ST6GAL1: variants seen among roughly 807,000 people sequenced by gnomAD.
ST6GAL1 encodes the protein ST6 beta-galactoside alpha-2,6-sialyltransferase 1.
A neutral mutation model predicts 38.0 loss-of-function variants in ST6GAL1; 20 were observed. That is an observed-to-expected ratio of 0.53 (90% CI 0.37 to 0.77). The LOEUF (loss-of-function observed/expected upper bound fraction) is 0.77, where lower values mean the gene tolerates loss of function less well. Among genes scored for constraint, ST6GAL1 ranks in the 30% least tolerant of loss-of-function variants. The probability of loss-of-function intolerance (pLI) is 0.00; values close to 1 mark genes in which losing one functional copy is unlikely to be tolerated. For synonymous variants in ST6GAL1, 196 were observed against 188.2 expected (o/e 1.04, Z -0.34); for missense variants, 432 against 496.4 (o/e 0.87, Z 1.23).
intron 5 of ST6GAL1, among the ~76,000 whole-genome samples, chr3:187,058,734 T>C (rs1286410461): frequency 6.6e-6 from 1 of 151,962 alleles, no homozygotes; most frequent in Non-Finnish European, 1.5e-5. Flanking sequence ...CTCCTTTTCC[T>C]GGGTTCAAGC....
chr3:187,072,578 G>C, intron 5 of ST6GAL1: 2 of 398,268 alleles, frequency 5.0e-6, no homozygotes, highest in Non-Finnish European at 9.6e-6. Flanking sequence ...TATTTTCACT[G>C]TACCCTTGCC....
chr3:186,966,306 A>C (rs998799055), intron 2 of ST6GAL1, among the ~76,000 whole-genome samples: 1 of 152,198 alleles, frequency 6.6e-6, no homozygotes, highest in African/African-American at 2.4e-5. Flanking sequence ...AGTGTTTTGT[A>C]ATCTGTCTAC....
chr3:187,005,464 A>G (rs1716756891), intron 2 of ST6GAL1, among the ~76,000 whole-genome samples: 1 of 151,482 alleles, frequency 6.6e-6, no homozygotes. Context: ...TTTAGTAGAG[A>G]TGGGGTTTCA....
intron 2 of ST6GAL1, among the ~76,000 whole-genome samples, chr3:186,999,236 G>A (rs1027050101): frequency 1.1e-4 from 16 of 150,552 alleles, no homozygotes; most frequent in East Asian, 7.7e-4. Context: ...AACACCACTC[G>A]CCTCGTAGAA....
At chr3:187,047,552 T>C (rs1346348086) in intron 4 of ST6GAL1, among the ~76,000 whole-genome samples, 1 of 152,188 alleles carries the variant, frequency 6.6e-6, no homozygotes, top group Non-Finnish European at 1.5e-5. Context: ...TTTTTTCTTC[T>C]CCTAATTTGC....
In ST6GAL1 at chr3:187,072,869, C is replaced by T. The variant is rs1343275336; in HGVS notation, c.726C>T (p.Arg242=). ...MNSQLVTTEK[R]FLKDSLYNEG... Reference sequence around the variant, plus strand: ...TGCAGTTGGTTACCACAGAGAAGCGCTTCCTCAAAGACAGTTTGTACAATG... The same window carrying T: ...TGCAGTTGGTTACCACAGAGAAGCGTTTCCTCAAAGACAGTTTGTACAATG... The change falls in exon 6 of 8, where the codon CGC becomes CGT. Residue 242 remains arginine, a synonymous_variant. Transcript: ENST00000169298. The T allele has an allele frequency of 1.9e-6, 3 of 1,613,992 alleles. No homozygotes were observed. The South Asian group carries it at 3.3e-5, about 18-fold the overall frequency.
At chr3:187,035,467 C>G (rs979270890) in intron 2 of ST6GAL1, among the ~76,000 whole-genome samples, 1 of 152,088 alleles carries the variant, frequency 6.6e-6, no homozygotes, top group Non-Finnish European at 1.5e-5. Context: ...GCAAAAAGAA[C>G]AAACTCAGAG....
At position 186,933,956 on chromosome 3, in the gene ST6GAL1, C is replaced by T. The variant is rs534124326; in HGVS notation, c.-325+3122C>T. Among the ~76,000 whole-genome samples the T allele has an allele frequency of 8.5e-5, 13 of 152,306 alleles. No individual in the cohort carries two copies. In the South Asian group the frequency reaches 2.3e-3, roughly 27 times the overall value. On this transcript the variant is annotated intron_variant, in intron 1 of 7. Coordinates refer to ENST00000169298, the MANE Select transcript of ST6GAL1 (RefSeq NM_173216.2). ...TCAGCTTTCTTTAGTGTTTGCTGAA[C>T]GGTTCACTTTACTCTTGTGCTGGGT...
chr3:186,962,722 G>T (rs921994950), intron 1 of ST6GAL1, among the ~76,000 whole-genome samples: 3 of 152,170 alleles, frequency 2.0e-5, no homozygotes, highest in Non-Finnish European at 4.4e-5. Flanking sequence ...GGAAGATTTT[G>T]TTTCAAACAC....
intron 5 of ST6GAL1, among the ~76,000 whole-genome samples, chr3:187,062,722 T>C (rs1027663474): frequency 6.6e-6 from 1 of 152,202 alleles, no homozygotes; most frequent in Non-Finnish European, 1.5e-5. Context: ...TTGGAGATGG[T>C]TTGTGGTGAT....
intron 1 of ST6GAL1, among the ~76,000 whole-genome samples, chr3:186,934,578 CAAAA>C (rs1713874294): frequency 6.6e-6 from 1 of 151,268 alleles, no homozygotes; most frequent in Non-Finnish European, 1.5e-5. Context: ...GAAAATAAAA[CAAAA>C]CAACAACAAC....
chr3:187,043,137 G>A lies in ST6GAL1; in HGVS notation c.434G>A (p.Arg145Gln), dbSNP rs149308342. Residue 145 changes from arginine to glutamine, a missense_variant, in exon 4 of 8, where the codon CGG becomes CAG. By Grantham distance (43) the Arg-to-Gln change is conservative. Transcript: ENST00000169298. ...GCAGAGGCCCTGCGCTGCCACCTCCGGGACCATGTGAATGTATCCATGGTA... is the reference window on the plus strand; with the variant it reads ...GCAGAGGCCCTGCGCTGCCACCTCCAGGACCATGTGAATGTATCCATGGTA... ...FSAEALRCHL[R>Q]DHVNVSMVEV... 251 of 1,614,066 alleles carry A rather than the reference G, an allele frequency of 1.6e-4. No individual in the cohort carries two copies. The highest frequency in any genetic ancestry group is 2.1e-4 in the Non-Finnish European group (245 of 1,180,030).
At chr3:187,026,737 T>C (rs1175488156) in intron 2 of ST6GAL1, among the ~76,000 whole-genome samples, 1 of 152,068 alleles carries the variant, frequency 6.6e-6, no homozygotes, top group Non-Finnish European at 1.5e-5. Flanking sequence ...CTCACATCAG[T>C]AGTTACGTAA....
At chr3:187,073,470 G>A (rs1174314046) in intron 6 of ST6GAL1, 1 of 162,354 alleles carries the variant, frequency 6.2e-6, no homozygotes, top group Non-Finnish European at 1.3e-5. Context: ...TAAGCAGAAG[G>A]CGCAGATCTG....
At chr3:186,990,739 G>T (rs1193652163) in intron 2 of ST6GAL1, among the ~76,000 whole-genome samples, 6 of 151,382 alleles carry the variant, frequency 4.0e-5, no homozygotes, top group East Asian at 1.9e-4. Flanking sequence ...CTTGAACCCG[G>T]GAGGCAGAGG....
intron 2 of ST6GAL1, among the ~76,000 whole-genome samples, chr3:187,032,275 T>C (rs1490710602): frequency 6.6e-6 from 1 of 152,156 alleles, no homozygotes; most frequent in Non-Finnish European, 1.5e-5. Flanking sequence ...TGATGTACTT[T>C]TCTGTTGTCT....
chr3:186,934,823 G>A (rs1337938329), intron 1 of ST6GAL1, among the ~76,000 whole-genome samples: 1 of 151,676 alleles, frequency 6.6e-6, no homozygotes, highest in Non-Finnish European at 1.5e-5. Flanking sequence ...CTGGAGTGCA[G>A]TGGTGCAATC....
chr3:186,987,983 T>C (rs538983365), intron 2 of ST6GAL1, among the ~76,000 whole-genome samples: 1 of 152,372 alleles, frequency 6.6e-6, no homozygotes, highest in South Asian at 2.1e-4. Context: ...TAGCTTCTCA[T>C]ACCTCTGCTT....
intron 2 of ST6GAL1, among the ~76,000 whole-genome samples, chr3:187,025,029 G>C (rs1279203587): frequency 1.4e-5 from 2 of 146,446 alleles, no homozygotes; most frequent in Non-Finnish European, 3.1e-5. Flanking sequence ...GTCTGTGTGT[G>C]TGTGTCTCAC....
Sources: gnomAD v4.1 joint callset for allele counts (sites outside exome capture counted in the v4.1 genomes callset) on GRCh38, gnomAD v4.1.1 for gene constraint, MANE v1.5 for transcripts, NCBI Gene and HGNC (gene_info 2026-07-23, HGNC 2026-07-21) for gene names.